Variants in KCNIP4 observed in about 807,000 individuals in gnomAD.
KCNIP4 encodes the protein Kv channel-interacting protein 4.
A neutral mutation model predicts 34.0 loss-of-function variants in KCNIP4; 12 were observed. That is an observed-to-expected ratio of 0.35 (90% CI 0.23 to 0.57). KCNIP4 has a LOEUF of 0.57. Among genes scored for constraint, KCNIP4 ranks in the 20% least tolerant of loss-of-function variants. KCNIP4 has a pLI of 0.83. For missense variants in KCNIP4, 238 were observed against 311.7 expected (o/e 0.76, Z 1.78); for synonymous variants, 124 against 102.2 (o/e 1.21, Z -1.29).
chr4:21,290,834 G>A (rs1009254665), intron 1 of KCNIP4, among the ~76,000 whole-genome samples: 5 of 152,162 alleles, frequency 3.3e-5, no homozygotes, highest in Admixed American at 3.3e-4. Flanking sequence ...GACCTGGCAA[G>A]CAACAACTAG....
intron 1 of KCNIP4, among the ~76,000 whole-genome samples, chr4:21,603,297 G>C (rs1202338688): frequency 1.3e-5 from 2 of 152,004 alleles, no homozygotes; most frequent in East Asian, 3.9e-4. Context: ...AGCCATAAGA[G>C]ATCATAGAGA....
At chr4:21,944,303 G>A (rs1245146074) in intron 1 of KCNIP4, among the ~76,000 whole-genome samples, 5 of 152,030 alleles carry the variant, frequency 3.3e-5, no homozygotes, top group African/African-American at 4.8e-5. Flanking sequence ...TAGCACTTTG[G>A]GAGGCCGAGG....
At chr4:21,251,664 A>G (rs1308590339) in intron 1 of KCNIP4, among the ~76,000 whole-genome samples, 2 of 152,168 alleles carry the variant, frequency 1.3e-5, no homozygotes, top group Non-Finnish European at 2.9e-5. Context: ...CATATACACC[A>G]TGGAATACTA....
chr4:20,919,976 G>A (rs948652758), intron 1 of KCNIP4, among the ~76,000 whole-genome samples: 3 of 151,990 alleles, frequency 2.0e-5, no homozygotes, highest in Admixed American at 2.0e-4. Context: ...GGACCTGCTC[G>A]CTACTTATTT....
chr4:21,231,681 G>C (rs1758799965), intron 1 of KCNIP4, among the ~76,000 whole-genome samples: 1 of 152,092 alleles, frequency 6.6e-6, no homozygotes, highest in African/African-American at 2.4e-5. Flanking sequence ...AGGAATATTT[G>C]AAATGATAAA....
At chr4:21,099,112 C>G (rs1275198007) in intron 1 of KCNIP4, among the ~76,000 whole-genome samples, 5 of 152,176 alleles carry the variant, frequency 3.3e-5, no homozygotes, top group Non-Finnish European at 2.9e-5. Flanking sequence ...GCAATCCCAT[C>G]ACTGGGTATA....
intron 1 of KCNIP4, among the ~76,000 whole-genome samples, chr4:21,686,188 A>C (rs1367017630): frequency 6.6e-6 from 1 of 152,196 alleles, no homozygotes; most frequent in African/African-American, 2.4e-5. Context: ...GTCTTGAAAA[A>C]TAAAAATCTT....
chr4:20,883,811 G>A (rs1299838406), intron 1 of KCNIP4, among the ~76,000 whole-genome samples: 1 of 152,204 alleles, frequency 6.6e-6, no homozygotes, highest in Non-Finnish European at 1.5e-5. Context: ...ACTCATGTGT[G>A]TGTGTAGAGT....
intron 1 of KCNIP4, among the ~76,000 whole-genome samples, chr4:21,259,099 G>A (rs16870637): frequency 1.3e-5 from 2 of 152,104 alleles, no homozygotes; most frequent in African/African-American, 4.8e-5. Context: ...CATACTGATA[G>A]TTCATAGTGA....
intron 3 of KCNIP4, among the ~76,000 whole-genome samples, chr4:20,833,138 G>A (rs1051543073): frequency 6.6e-5 from 10 of 152,202 alleles, no homozygotes; most frequent in Non-Finnish European, 1.0e-4. Flanking sequence ...TGTGGCTTTG[G>A]CAGTGATATG....
At chr4:21,015,683 T>A (rs1272309681) in intron 1 of KCNIP4, among the ~76,000 whole-genome samples, 1 of 122,706 alleles carries the variant, frequency 8.1e-6, no homozygotes, top group Non-Finnish European at 1.6e-5. Context: ...TATAGTATAT[T>A]GCATTAATAT....
At chr4:21,259,885 C>CTG (rs4054880) in intron 1 of KCNIP4, among the ~76,000 whole-genome samples, 8,369 of 145,784 alleles carry the variant, frequency 0.057, 323 homozygotes, top group African/African-American at 0.1. Flanking sequence ...GCGCCCAAGA[C>CTG]TGTGTGTGTG....
chr4:21,621,248 T>C (rs1199647943), intron 1 of KCNIP4, among the ~76,000 whole-genome samples: 1 of 152,212 alleles, frequency 6.6e-6, no homozygotes, highest in Non-Finnish European at 1.5e-5. Context: ...GGATTCAGTC[T>C]GCCACACCTA....
intron 1 of KCNIP4, among the ~76,000 whole-genome samples, chr4:21,188,531 T>C (rs1299669500): frequency 6.6e-6 from 1 of 152,240 alleles, no homozygotes; most frequent in African/African-American, 2.4e-5. Flanking sequence ...TCTTGCTACA[T>C]GTAGAGAATT....
intron 1 of KCNIP4, among the ~76,000 whole-genome samples, chr4:21,189,798 T>C (rs895012798): frequency 6.6e-6 from 1 of 152,204 alleles, no homozygotes; most frequent in Non-Finnish European, 1.5e-5. Context: ...ATACCAAAGG[T>C]CTAGTAAAAC....
intron 1 of KCNIP4, among the ~76,000 whole-genome samples, chr4:21,254,165 T>C (rs1277510920): frequency 1.3e-5 from 2 of 152,234 alleles, no homozygotes; most frequent in Non-Finnish European, 2.9e-5. Flanking sequence ...TATATATGCA[T>C]ACATGCATAC....
intron 1 of KCNIP4, among the ~76,000 whole-genome samples, chr4:21,419,384 G>C (rs1430028381): frequency 6.6e-6 from 1 of 152,138 alleles, no homozygotes; most frequent in Non-Finnish European, 1.5e-5. Context: ...CAACGATGAT[G>C]ATGGTGATGG....
At chr4:21,653,559 G>GA (rs1367204678) in intron 1 of KCNIP4, among the ~76,000 whole-genome samples, 1 of 152,108 alleles carries the variant, frequency 6.6e-6, no homozygotes, top group Non-Finnish European at 1.5e-5. Flanking sequence ...ATAGATAAAT[G>GA]AAAAATCCAT....
At chr4:21,539,350 C>G (rs1737483822) in intron 1 of KCNIP4, among the ~76,000 whole-genome samples, 1 of 152,050 alleles carries the variant, frequency 6.6e-6, no homozygotes, top group Non-Finnish European at 1.5e-5. Context: ...ACTCCAGGAC[C>G]TCCTTTTGTA....
Sources: gnomAD v4.1 joint callset for allele counts (sites outside exome capture counted in the v4.1 genomes callset) on GRCh38, gnomAD v4.1.1 for gene constraint, MANE v1.5 for transcripts, NCBI Gene and HGNC (gene_info 2026-07-23, HGNC 2026-07-21) for gene names.